The following SBSPON variants were observed in gnomAD, a reference collection of about 807,000 sequenced individuals.
The protein encoded by SBSPON is somatomedin-B and thrombospondin type-1 domain-containing protein.
SBSPON carries 30 observed loss-of-function variants against 35.8 expected under a neutral mutation model. The observed-to-expected ratio is 0.84, with a 90% CI of 0.63 to 1.14. The LOEUF (loss-of-function observed/expected upper bound fraction) is 1.14, where lower values mean the gene tolerates loss of function less well. SBSPON is among the 50% of genes most tolerant of loss of function. SBSPON has a pLI of 0.00. For missense variants in SBSPON, 364 were observed against 357.7 expected, an observed-to-expected ratio of 1.02 and a Z score of -0.14; for synonymous variants, 136 against 135.9, an observed-to-expected ratio of 1.00 and a Z score of 0.00.
At chr8:73,086,229 C>G (rs1010137998) in intron 1 of SBSPON, among the ~76,000 whole-genome samples, 1 of 151,800 alleles carries the variant, frequency 6.6e-6, no homozygotes, top group Non-Finnish European at 1.5e-5. Context: ...GGCGTGATCT[C>G]GACTCACTGC....
chr8:73,081,196 C>CCACGAAG lies in SBSPON; in HGVS notation c.225_231dup (p.Gly78LeufsTer98). 1 of 1,587,382 alleles carries CCACGAAG rather than the reference C, an allele frequency of 6.3e-7. No individual in the cohort carries two copies. Among genetic ancestry groups the CCACGAAG allele is most frequent in the Non-Finnish European group, 8.6e-7 (1 of 1,165,244 alleles). The stretch of plus-strand genomic sequence containing the variant: ...CAACCACTCCAGGGGCTCCATTCCC[C>CCACGAAG]CACGAAGCACGGGCGAGCTGAAAAA... On this transcript the variant is annotated frameshift_variant, in exon 2 of 5. Transcript: ENST00000297354. LOFTEE classifies it high-confidence loss of function.
Position 73,074,842 on chromosome 8 carries a change from A to G in SBSPON, c.410-2972T>C, listed in dbSNP as rs564488991. Among the ~76,000 whole-genome samples, 196 of 152,330 alleles carry G rather than the reference A, an allele frequency of 1.3e-3. 1 individual carries two copies. The highest frequency in any genetic ancestry group is 4.7e-3 in the African/African-American group (194 of 41,576). On this transcript the variant is annotated intron_variant, in intron 2 of 4. Transcript: ENST00000297354. The stretch of plus-strand genomic sequence containing the variant: ...GGGTACCATGGCCCCTGGTATGTGT[A>G]TAGCCTGCTCATTTACAAAGTAATT...
chr8:73,074,856 T>A (rs977636827), intron 2 of SBSPON, among the ~76,000 whole-genome samples: 4 of 152,228 alleles, frequency 2.6e-5, no homozygotes, highest in Non-Finnish European at 5.9e-5. Context: ...CCTGCTCATT[T>A]ACAAAGTAAT....
At chr8:73,071,950 T>C in intron 2 of SBSPON, 80 bp from the exon 3 acceptor site, 2 of 813,926 alleles carry the variant, frequency 2.5e-6, no homozygotes, top group Non-Finnish European at 4.3e-6. Context: ...TTTGTACCTG[T>C]CTAAGGGTCT....
intron 2 of SBSPON, among the ~76,000 whole-genome samples, chr8:73,077,550 T>C (rs748623040): frequency 2.7e-4 from 41 of 152,238 alleles, no homozygotes; most frequent in Admixed American, 1.7e-3. Flanking sequence ...AGCTGTGATA[T>C]GTTTGTTAAT....
chr8:73,090,600 T>C (rs1186905643), intron 1 of SBSPON, among the ~76,000 whole-genome samples: 2 of 152,242 alleles, frequency 1.3e-5, no homozygotes, highest in East Asian at 1.9e-4. Context: ...CAATTGTCTT[T>C]GTTTTCCTCC....
At position 73,086,873 on chromosome 8, in the gene SBSPON, T is replaced by C. The variant is rs532057944; in HGVS notation, c.215-5660A>G. Reference sequence around the variant, plus strand: ...TTTTCCAAATTTTCTGCAACAAACATATATTTTGTAGTTAAGGAAAGAAAA... The same window carrying C: ...TTTTCCAAATTTTCTGCAACAAACACATATTTTGTAGTTAAGGAAAGAAAA... On this transcript the variant is annotated intron_variant, in intron 1 of 4. Coordinates refer to ENST00000297354, the MANE Select transcript of SBSPON (RefSeq NM_153225.4). 1.8e-4 allele frequency among the ~76,000 whole-genome samples: 27 copies of C among 152,342 alleles called. No individual in the cohort carries two copies. In the South Asian group the frequency reaches 5.2e-3, roughly 29 times the overall value.
intron 1 of SBSPON, among the ~76,000 whole-genome samples, chr8:73,091,774 T>A (rs1810939623): frequency 6.6e-6 from 1 of 152,246 alleles, no homozygotes; most frequent in South Asian, 2.1e-4. Context: ...AAAATCTTAA[T>A]GCTTTCAACT....
intron 1 of SBSPON, among the ~76,000 whole-genome samples, chr8:73,090,034 C>T (rs79280663): frequency 0.016 from 2,383 of 152,312 alleles, 42 homozygotes; most frequent in African/African-American, 0.054. Flanking sequence ...GGCACCACCA[C>T]ACCCAGCTAA....
intron 2 of SBSPON, among the ~76,000 whole-genome samples, chr8:73,079,817 G>C (rs1563489005): frequency 1.3e-5 from 2 of 152,128 alleles, no homozygotes; most frequent in African/African-American, 4.8e-5. Flanking sequence ...CTACCTGACA[G>C]CAGGCTCCAC....
intron 1 of SBSPON, among the ~76,000 whole-genome samples, chr8:73,082,298 C>T (rs1270132553): frequency 2.6e-5 from 4 of 152,112 alleles, no homozygotes; most frequent in Admixed American, 6.6e-5. Flanking sequence ...AGAAGACATG[C>T]CCATGACCTA....
intron 4 of SBSPON, among the ~76,000 whole-genome samples, chr8:73,069,558 C>A (rs920195327): frequency 5.3e-5 from 8 of 152,190 alleles, no homozygotes; most frequent in Non-Finnish European, 1.0e-4. Context: ...GCATGAGCCA[C>A]CACTCCCAGC....
Position 73,092,950 on chromosome 8 carries a change from C to A in SBSPON, c.118G>T (p.Gly40Cys). Residue 40 changes from glycine (G) to cysteine (C), a missense_variant, in exon 1 of 5, where the codon GGC becomes TGC. Physicochemically the swap from Gly to Cys is radical, Grantham distance 159 (BLOSUM62 -3). Coordinates refer to ENST00000297354, the MANE Select transcript of SBSPON (RefSeq NM_153225.4). The stretch of plus-strand genomic sequence containing the variant: ...CCGTAGACCCTGTCCAGCCTCCAGC[C>A]GCGGGCGAAGCAGGCGGGGTCCCGG... ...PGRDPACFARGWRLDRVYGTC... is the reference protein window; with the variant it reads ...PGRDPACFARCWRLDRVYGTC... 6.2e-7 allele frequency: 1 copy of A among 1,604,432 alleles called. No individual in the cohort carries two copies. Among genetic ancestry groups the A allele is most frequent in the Admixed American group, 1.7e-5 (1 of 59,118 alleles).
At position 73,068,247 on chromosome 8, in the gene SBSPON, T is replaced by C. The variant is rs183702462; in HGVS notation, c.678-789A>G. 8.5e-4 allele frequency among the ~76,000 whole-genome samples: 129 copies of C among 152,340 alleles called. 1 individual carries two copies. The highest frequency in any genetic ancestry group is 2.7e-3 in the African/African-American group (111 of 41,584). On this transcript the variant is annotated intron_variant, in intron 4 of 4. Coordinates refer to ENST00000297354, the MANE Select transcript of SBSPON (RefSeq NM_153225.4). The stretch of plus-strand genomic sequence containing the variant: ...TTAAAACCAAAACATGGATGAGGTA[T>C]TCAGAAAAATATTATGTAAATATTT...
chr8:73,086,952 A>G (rs1357089117), intron 1 of SBSPON, among the ~76,000 whole-genome samples: 1 of 152,200 alleles, frequency 6.6e-6, no homozygotes, highest in Non-Finnish European at 1.5e-5. Context: ...GTCTGAAGCC[A>G]TGGATAACAT....
intron 2 of SBSPON, 141 bp from the exon 3 acceptor site, chr8:73,072,011 G>A: frequency 3.2e-6 from 2 of 626,596 alleles, no homozygotes; most frequent in South Asian, 3.8e-5. Flanking sequence ...GTGAAATGAG[G>A]CCAAGTTACA....
At position 73,071,832 on chromosome 8, in the gene SBSPON, T is replaced by C; in HGVS notation, c.448A>G (p.Arg150Gly). ...FITTSAFNKE[R>G]TRQATSPHWS... Reference sequence around the variant, plus strand: ...TGTGGAGACGTAGCTTGTCGTGTTCTCTCCTTGTTGAATGCAGAGGTAGTT... The same window carrying C: ...TGTGGAGACGTAGCTTGTCGTGTTCCCTCCTTGTTGAATGCAGAGGTAGTT... The change falls in exon 3 of 5, where the codon AGA (arginine) becomes GGA (glycine). Residue 150 changes from arginine (R) to glycine (G), a missense_variant. Arg to Gly is a moderately radical substitution (Grantham distance 125). Coordinates refer to ENST00000297354, the MANE Select transcript of SBSPON (RefSeq NM_153225.4). The C allele has an allele frequency of 6.2e-7, 1 of 1,612,120 alleles. No homozygotes were observed. The highest frequency in any genetic ancestry group is 1.7e-5 in the Admixed American group (1 of 60,006).
At position 73,080,962 on chromosome 8, in the gene SBSPON, A is replaced by G. The variant is rs566098774; in HGVS notation, c.409+57T>C. The G allele has an allele frequency of 7.6e-4, 1,098 of 1,438,784 alleles. 16 individuals are homozygous for G. The South Asian group carries it at 0.014, about 19-fold the overall frequency. The allele number at this position is 1,438,784 out of a possible 1,614,324, so 89.1% of individuals were successfully genotyped here. On this transcript the variant is annotated intron_variant, in intron 2 of 4. Transcript: ENST00000297354. ...ACAGCATATGGCCTTTTGTAGGATG[A>G]AGTGGTCAAAAAGTCATCACAGATA...
At position 73,066,341 on chromosome 8, in the gene SBSPON, A is replaced by G. The variant is rs1810387197; in HGVS notation, c.*1000T>C. The G allele has an allele frequency of 6.6e-6, 1 of 152,148 alleles. No individual in the cohort carries two copies. Among genetic ancestry groups the G allele is most frequent in the African/African-American group, 2.4e-5 (1 of 41,432 alleles). 9.4% of individuals were successfully genotyped at this position (152,148 alleles called of 1,614,324 possible). A position where few individuals can be genotyped will look rare whatever the true frequency, so the allele number is the denominator to read the frequency against. On this transcript the variant is annotated 3_prime_UTR_variant, in exon 5 of 5. Coordinates refer to ENST00000297354, the MANE Select transcript of SBSPON (RefSeq NM_153225.4). ...GTCATCCCAGGTCCTTAAACATGCCATTTTGCCTCTAGGTCATTGATTTTC... is the reference window on the plus strand; with the variant it reads ...GTCATCCCAGGTCCTTAAACATGCCGTTTTGCCTCTAGGTCATTGATTTTC...
Sources: gnomAD v4.1 joint callset for allele counts (sites outside exome capture counted in the v4.1 genomes callset) on GRCh38, gnomAD v4.1.1 for gene constraint, MANE v1.5 for transcripts, NCBI Gene and HGNC (gene_info 2026-07-23, HGNC 2026-07-21) for gene names.